Variants in KANSL1L observed in about 807,000 individuals in gnomAD.
KANSL1L encodes KAT8 regulatory NSL complex subunit 1-like protein.
Under a neutral mutation model 108.6 loss-of-function variants are expected in KANSL1L, and 25 were observed. The observed-to-expected ratio is 0.23, with a 90% CI of 0.17 to 0.32. The LOEUF (loss-of-function observed/expected upper bound fraction) is 0.32. Among genes scored for constraint, KANSL1L ranks in the 10% least tolerant of loss-of-function variants. The pLI, the probability that KANSL1L is intolerant of heterozygous loss-of-function variation, is 1.00. For missense variants in KANSL1L, 1,137 were observed against 1,125.7 expected (o/e 1.01, Z -0.14); for synonymous variants, 405 against 395.1 (o/e 1.03, Z -0.30).
intron 6 of KANSL1L, chr2:210,063,777 T>G (rs557218110): frequency 6.6e-6 from 1 of 152,336 alleles, no homozygotes; most frequent in East Asian, 1.9e-4. Context: ...TGCTTTTGAT[T>G]TTACAGGCTC....
At chr2:210,083,027 A>T (rs1222891925) in intron 5 of KANSL1L, among the ~76,000 whole-genome samples, 2 of 152,206 alleles carry the variant, frequency 1.3e-5, no homozygotes, top group Non-Finnish European at 2.9e-5. Flanking sequence ...CTGGATGAGG[A>T]TGAGCCCTAA....
chr2:210,098,308 A>C (rs2094758778), intron 4 of KANSL1L, 101 bp from the exon 5 acceptor site: 3 of 1,001,566 alleles, frequency 3.0e-6, no homozygotes, highest in Non-Finnish European at 4.4e-6. Context: ...CATGACACAC[A>C]TGTTTTTATT....
intron 2 of KANSL1L, among the ~76,000 whole-genome samples, chr2:210,133,765 C>CA (rs2095148871): frequency 2.0e-5 from 3 of 152,038 alleles, no homozygotes; most frequent in Admixed American, 1.3e-4. Flanking sequence ...TTATTCAGTT[C>CA]AAAACATTTT....
chr2:210,038,723 C>T (rs896269776), intron 8 of KANSL1L, among the ~76,000 whole-genome samples: 2 of 151,832 alleles, frequency 1.3e-5, no homozygotes, highest in African/African-American at 4.8e-5. Flanking sequence ...TCCAAAGAGT[C>T]GTTATTTAAT....
At chr2:210,097,369 T>G in intron 5 of KANSL1L, 1 of 783,960 alleles carries the variant, frequency 1.3e-6, no homozygotes, top group Non-Finnish European at 1.5e-6. Context: ...TTACACTTAG[T>G]TCTCTATGGT....
At chr2:210,138,511 TA>T (rs1431239017) in intron 2 of KANSL1L, among the ~76,000 whole-genome samples, 4 of 152,046 alleles carry the variant, frequency 2.6e-5, no homozygotes, top group African/African-American at 7.2e-5. Flanking sequence ...ATCAATTCTA[TA>T]AAAAAAACTT....
At chr2:210,060,094 ATCT>A (rs1417041453) in intron 6 of KANSL1L, among the ~76,000 whole-genome samples, 1 of 152,160 alleles carries the variant, frequency 6.6e-6, no homozygotes, top group Non-Finnish European at 1.5e-5. Context: ...TTTCTTTAAA[ATCT>A]TCTATTATTT....
chr2:210,154,751 A>G, intron 1 of KANSL1L, 140 bp from the exon 2 acceptor site: 2 of 444,386 alleles, frequency 4.5e-6, no homozygotes, highest in Non-Finnish European at 7.6e-6. Context: ...AACTCCCAAC[A>G]TTATTTCAAC....
chr2:210,147,084 C>T (rs1057007381), intron 2 of KANSL1L, among the ~76,000 whole-genome samples: 2 of 151,408 alleles, frequency 1.3e-5, no homozygotes, highest in Admixed American at 6.6e-5. Flanking sequence ...TCACGTTGCT[C>T]AAAAAAAAGC....
chr2:210,058,198 A>G (rs2539010), intron 6 of KANSL1L, among the ~76,000 whole-genome samples: 151,917 of 152,134 alleles, frequency 1, 75,850 homozygotes, highest in Middle Eastern at 1. Flanking sequence ...TGGCCGCTTC[A>G]GGGGGCGGCT....
intron 9 of KANSL1L, among the ~76,000 whole-genome samples, chr2:210,030,455 T>C (rs1307724044): frequency 1.3e-5 from 2 of 151,670 alleles, no homozygotes; most frequent in African/African-American, 2.4e-5. Flanking sequence ...GGATATTGAT[T>C]AGAAGTTTAC....
At chr2:210,160,653 A>G (rs1295526975) in intron 1 of KANSL1L, among the ~76,000 whole-genome samples, 1 of 152,232 alleles carries the variant, frequency 6.6e-6, no homozygotes, top group African/African-American at 2.4e-5. Flanking sequence ...CAAAACACCC[A>G]TAAAAATATC....
chr2:210,075,806 A>G (rs767283671), intron 5 of KANSL1L, 50 bp from the exon 6 acceptor site: 43 of 1,337,876 alleles, frequency 3.2e-5, no homozygotes, highest in Non-Finnish European at 4.0e-5. Context: ...AAAACAAAAC[A>G]AAACAAACAA....
At chr2:210,157,031 C>T (rs758133462) in intron 1 of KANSL1L, among the ~76,000 whole-genome samples, 1 of 151,100 alleles carries the variant, frequency 6.6e-6, no homozygotes. Context: ...AGTTTATACT[C>T]TTTTATGGAA....
Sources: gnomAD v4.1 joint callset for allele counts (sites outside exome capture counted in the v4.1 genomes callset) on GRCh38, gnomAD v4.1.1 for gene constraint, MANE v1.5 for transcripts, NCBI Gene and HGNC (gene_info 2026-07-23, HGNC 2026-07-21) for gene names.